Variants in DCC observed in about 807,000 individuals in gnomAD.
The protein encoded by DCC is netrin receptor DCC.
A neutral mutation model predicts 172.5 loss-of-function variants in DCC; 58 were observed. The ratio of observed to expected loss-of-function variants is 0.34; its 90% CI spans 0.27 to 0.42. The LOEUF (loss-of-function observed/expected upper bound fraction) is 0.42. Among genes scored for constraint, DCC ranks in the 10% least tolerant of loss-of-function variants. The probability of loss-of-function intolerance (pLI) is 1.00; values close to 1 mark genes in which losing one functional copy is unlikely to be tolerated. For missense variants in DCC, 1,740 were observed against 1,791.0 expected, an observed-to-expected ratio of 0.97 and a Z score of 0.51; for synonymous variants, 709 against 644.5, an observed-to-expected ratio of 1.10 and a Z score of -1.52.
chr18:52,776,422 C>G (rs1252703239), intron 2 of DCC, among the ~76,000 whole-genome samples: 1 of 151,986 alleles, frequency 6.6e-6, no homozygotes, highest in Admixed American at 6.6e-5. Context: ...TCAAGGAATA[C>G]AGGAAGTCTA....
At chr18:52,720,705 C>G (rs780623250) in intron 1 of DCC, among the ~76,000 whole-genome samples, 1 of 152,200 alleles carries the variant, frequency 6.6e-6, no homozygotes, top group Non-Finnish European at 1.5e-5. Flanking sequence ...AAGGTGTGTT[C>G]TAATTATGAA....
intron 7 of DCC, among the ~76,000 whole-genome samples, chr18:53,145,300 A>T (rs2043894876): frequency 6.6e-6 from 1 of 151,908 alleles, no homozygotes; most frequent in African/African-American, 2.4e-5. Flanking sequence ...TTTTTGGAAG[A>T]GACGGGGTTT....
chr18:53,419,181 T>A (rs1910487328), intron 21 of DCC, among the ~76,000 whole-genome samples: 1 of 152,144 alleles, frequency 6.6e-6, no homozygotes, highest in African/African-American at 2.4e-5. Flanking sequence ...ATAGTAGGTG[T>A]ATATATTTGT....
chr18:52,983,177 C>G (rs2041237779), intron 5 of DCC, among the ~76,000 whole-genome samples: 1 of 152,112 alleles, frequency 6.6e-6, no homozygotes, highest in South Asian at 2.1e-4. Context: ...AATTTGCCCT[C>G]TAGCTTCCCC....
At chr18:52,733,985 T>C (rs8095838) in intron 1 of DCC, among the ~76,000 whole-genome samples, 85,508 of 151,982 alleles carry the variant, frequency 0.56, 24,677 homozygotes, top group African/African-American at 0.68. Flanking sequence ...TTTCTAGTGC[T>C]TGACAATATT....
At chr18:52,737,293 G>T (rs1469155796) in intron 1 of DCC, among the ~76,000 whole-genome samples, 1 of 152,046 alleles carries the variant, frequency 6.6e-6, no homozygotes, top group African/African-American at 2.4e-5. Context: ...GACACCACTG[G>T]TGATACTTTG....
At chr18:53,179,495 C>A (rs750600296) in intron 9 of DCC, among the ~76,000 whole-genome samples, 7 of 152,110 alleles carry the variant, frequency 4.6e-5, no homozygotes, top group Non-Finnish European at 8.8e-5. Context: ...GGTAAAAGAA[C>A]AATAACATAC....
At chr18:52,686,079 G>A (rs1166049222) in intron 1 of DCC, among the ~76,000 whole-genome samples, 2 of 152,120 alleles carry the variant, frequency 1.3e-5, no homozygotes, top group Non-Finnish European at 2.9e-5. Flanking sequence ...CACTGTCAAT[G>A]TTATACAACC....
At chr18:52,535,584 G>C (rs1401188235) in intron 1 of DCC, among the ~76,000 whole-genome samples, 2 of 152,012 alleles carry the variant, frequency 1.3e-5, no homozygotes, top group Non-Finnish European at 2.9e-5. Flanking sequence ...TCCAATAAAA[G>C]GTATAATCTC....
chr18:53,227,525 G>A (rs1248682056), intron 12 of DCC, among the ~76,000 whole-genome samples: 2 of 152,104 alleles, frequency 1.3e-5, no homozygotes, highest in Non-Finnish European at 2.9e-5. Context: ...GAATCTAAGA[G>A]CATCATCTTC....
chr18:52,904,643 T>C (rs577873646), intron 2 of DCC, among the ~76,000 whole-genome samples: 1 of 152,308 alleles, frequency 6.6e-6, no homozygotes, highest in East Asian at 1.9e-4. Flanking sequence ...TCAAGCTTTC[T>C]GGACAAAATT....
intron 1 of DCC, among the ~76,000 whole-genome samples, chr18:52,711,555 T>C (rs1252269944): frequency 5.9e-5 from 9 of 152,226 alleles, no homozygotes; most frequent in Non-Finnish European, 7.3e-5. Context: ...AGTTTGTTCT[T>C]GACTTGCCAA....
intron 5 of DCC, among the ~76,000 whole-genome samples, chr18:53,025,256 C>A (rs759739634): frequency 6.6e-6 from 1 of 152,044 alleles, no homozygotes; most frequent in African/African-American, 2.4e-5. Flanking sequence ...AATGATATCA[C>A]TAAGCTGGAA....
At chr18:52,758,211 G>A (rs868791979) in intron 2 of DCC, among the ~76,000 whole-genome samples, 1 of 152,118 alleles carries the variant, frequency 6.6e-6, no homozygotes, top group South Asian at 2.1e-4. Context: ...AAAACAGACA[G>A]CATATAATTT....
At chr18:53,347,421 G>A (rs2057738388) in intron 15 of DCC, among the ~76,000 whole-genome samples, 1 of 152,130 alleles carries the variant, frequency 6.6e-6, no homozygotes, top group African/African-American at 2.4e-5. Context: ...GCCAAAAAGA[G>A]CTTACACCAT....
At chr18:53,245,126 C>T (rs940588088) in intron 12 of DCC, among the ~76,000 whole-genome samples, 1 of 151,996 alleles carries the variant, frequency 6.6e-6, no homozygotes, top group Admixed American at 6.6e-5. Context: ...TAGAAGAAAT[C>T]TAAGAATTCA....
intron 2 of DCC, among the ~76,000 whole-genome samples, chr18:52,851,296 TATG>T (rs1321733732): frequency 3.9e-5 from 6 of 152,258 alleles, no homozygotes; most frequent in African/African-American, 1.4e-4. Flanking sequence ...ATTTATTAAA[TATG>T]ATACACATTT....
intron 2 of DCC, among the ~76,000 whole-genome samples, chr18:52,785,547 G>T (rs1723139328): frequency 6.6e-6 from 1 of 151,996 alleles, no homozygotes; most frequent in African/African-American, 2.4e-5. Flanking sequence ...GGGAAAAGCA[G>T]CTAGGGCTCC....
chr18:53,198,987 A>G (rs900959991), intron 9 of DCC, among the ~76,000 whole-genome samples: 1 of 152,180 alleles, frequency 6.6e-6, no homozygotes, highest in Admixed American at 6.6e-5. Flanking sequence ...TCCTTGACTG[A>G]CATACTAAAA....
Sources: gnomAD v4.1 joint callset for allele counts (sites outside exome capture counted in the v4.1 genomes callset) on GRCh38, gnomAD v4.1.1 for gene constraint, MANE v1.5 for transcripts, NCBI Gene and HGNC (gene_info 2026-07-23, HGNC 2026-07-21) for gene names.